Variants in NAALADL2 observed in about 807,000 individuals in gnomAD.
NAALADL2 encodes inactive N-acetylated-alpha-linked acidic dipeptidase-like protein 2.
In NAALADL2, 76 loss-of-function variants were observed where a neutral mutation model predicts 87.2. That is an observed-to-expected ratio of 0.87 (90% CI 0.72 to 1.05). The LOEUF (loss-of-function observed/expected upper bound fraction) is 1.05. Ranked by LOEUF, NAALADL2 falls within the 50% of genes least tolerant of loss-of-function variation. The probability of loss-of-function intolerance (pLI) is 0.00; values close to 1 mark genes in which losing one functional copy is unlikely to be tolerated. For missense variants in NAALADL2, 1,089 were observed against 945.8 expected (o/e 1.15, Z -1.99); for synonymous variants, 354 against 331.0 (o/e 1.07, Z -0.75).
chr3:174,536,734 G>C (rs1437224095), intron 1 of NAALADL2: 2 of 152,092 alleles, frequency 1.3e-5, no homozygotes, highest in African/African-American at 4.8e-5. Flanking sequence ...GCTGTTTGAA[G>C]TGTTAGAGAA....
At chr3:175,478,977 A>T (rs1003584925) in intron 9 of NAALADL2, among the ~76,000 whole-genome samples, 1 of 151,904 alleles carries the variant, frequency 6.6e-6, no homozygotes, top group African/African-American at 2.4e-5. Flanking sequence ...TACAATAGTG[A>T]TATTCGTTCT....
chr3:174,510,718 T>C (rs1719546921), intron 1 of NAALADL2, among the ~76,000 whole-genome samples: 1 of 151,936 alleles, frequency 6.6e-6, no homozygotes, highest in South Asian at 2.1e-4. Flanking sequence ...TCACCTTTAT[T>C]ATTTTCTTCT....
At chr3:175,687,767 A>G (rs892696064) in intron 11 of NAALADL2, among the ~76,000 whole-genome samples, 3 of 152,098 alleles carry the variant, frequency 2.0e-5, no homozygotes, top group Non-Finnish European at 4.4e-5. Context: ...TCCTTGTGAT[A>G]GTGAGTTCAT....
intron 5 of NAALADL2, among the ~76,000 whole-genome samples, chr3:175,330,343 C>T (rs1478430767): frequency 1.3e-5 from 2 of 151,890 alleles, no homozygotes; most frequent in Non-Finnish European, 2.9e-5. Flanking sequence ...ACTTGGGAGG[C>T]TGAGGTGGGA....
intron 2 of NAALADL2, among the ~76,000 whole-genome samples, chr3:175,131,926 A>C (rs1267683684): frequency 9.6e-6 from 1 of 103,774 alleles, no homozygotes; most frequent in Non-Finnish European, 1.9e-5. Flanking sequence ...GGGGCTCCTC[A>C]CTTCCCAGTA....
intron 10 of NAALADL2, among the ~76,000 whole-genome samples, 181 bp from the exon 11 acceptor site, chr3:175,627,110 G>T (rs1727092638): frequency 6.6e-6 from 1 of 151,798 alleles, no homozygotes; most frequent in Non-Finnish European, 1.5e-5. Flanking sequence ...TGATGTGTCT[G>T]ATCATTTTAA....
At chr3:174,450,468 C>T (rs192106096) in intron 1 of NAALADL2, among the ~76,000 whole-genome samples, 28 of 152,320 alleles carry the variant, frequency 1.8e-4, no homozygotes, top group African/African-American at 6.7e-4. Context: ...TGTCCAGATA[C>T]AGTGATCTGG....
At chr3:175,324,966 C>T (rs1290206017) in intron 5 of NAALADL2, among the ~76,000 whole-genome samples, 6 of 152,128 alleles carry the variant, frequency 3.9e-5, no homozygotes, top group Non-Finnish European at 8.8e-5. Context: ...AGATGCTCAC[C>T]GCATCATTGA....
chr3:174,878,304 A>G (rs981235573), intron 1 of NAALADL2, among the ~76,000 whole-genome samples: 1 of 152,066 alleles, frequency 6.6e-6, no homozygotes, highest in African/African-American at 2.4e-5. Context: ...ATATTAGTTA[A>G]TGCCATTTTT....
intron 2 of NAALADL2, among the ~76,000 whole-genome samples, chr3:174,723,651 A>G (rs1578685920): frequency 1.3e-5 from 2 of 148,226 alleles, no homozygotes; most frequent in African/African-American, 2.5e-5. Flanking sequence ...AGCTGCTTGG[A>G]AGGCTGAGGC....
intron 10 of NAALADL2, among the ~76,000 whole-genome samples, chr3:175,614,490 T>C (rs1293615323): frequency 6.6e-6 from 1 of 152,244 alleles, no homozygotes; most frequent in Non-Finnish European, 1.5e-5. Context: ...GTTGATAGCA[T>C]TGTGACATTC....
At chr3:175,667,311 A>G (rs1268981756) in intron 11 of NAALADL2, among the ~76,000 whole-genome samples, 1 of 152,152 alleles carries the variant, frequency 6.6e-6, no homozygotes. Flanking sequence ...ACTAATTTCT[A>G]TTGGTCAGAT....
At chr3:175,423,051 A>ATAT (rs1458599872) in intron 5 of NAALADL2, among the ~76,000 whole-genome samples, 42 of 91,502 alleles carry the variant, frequency 4.6e-4, no homozygotes, top group African/African-American at 1.6e-3. Flanking sequence ...ATATATATAT[A>ATAT]TTTTTTTTTT....
At position 174,492,645 on chromosome 3, in the gene NAALADL2, T is replaced by C. The variant is rs535480811; in HGVS notation, c.-184+51613T>C. 6.6e-5 allele frequency among the ~76,000 whole-genome samples: 10 copies of C among 152,320 alleles called. No homozygotes were observed. The South Asian group carries it at 1.9e-3, about 28-fold the overall frequency. On this transcript the variant is annotated intron_variant, in intron 1 of 3. Transcript: ENST00000434257. ...ATTTAAGAGTCTGGAAGGTCTATGG[T>C]TTTCAGCTGTGTAAACATTTCCAAA...
chr3:174,930,473 C>T (rs1736695320), intron 1 of NAALADL2, among the ~76,000 whole-genome samples: 1 of 151,174 alleles, frequency 6.6e-6, no homozygotes, highest in African/African-American at 2.4e-5. Flanking sequence ...TTGTTGTGTA[C>T]CTTAAAGATA....
chr3:175,031,773 G>C (rs1305486867), intron 1 of NAALADL2, among the ~76,000 whole-genome samples: 1 of 151,892 alleles, frequency 6.6e-6, no homozygotes, highest in Non-Finnish European at 1.5e-5. Flanking sequence ...CAGCCTCACT[G>C]ACATCTGTTA....
At chr3:175,761,217 T>C (rs577000606) in intron 13 of NAALADL2, among the ~76,000 whole-genome samples, 1 of 150,626 alleles carries the variant, frequency 6.6e-6, no homozygotes, top group South Asian at 2.1e-4. Flanking sequence ...ACCTATTCAT[T>C]CCTCCCTACT....
chr3:175,353,415 C>T (rs1581544878), intron 5 of NAALADL2, among the ~76,000 whole-genome samples: 2 of 152,248 alleles, frequency 1.3e-5, no homozygotes. Context: ...TGTATTCTCT[C>T]ATCCCAAAAT....
chr3:175,607,663 C>T (rs955912525), intron 10 of NAALADL2, among the ~76,000 whole-genome samples: 4 of 152,088 alleles, frequency 2.6e-5, no homozygotes, highest in African/African-American at 9.7e-5. Context: ...TGGTTATAAA[C>T]TGGCATTCCT....
Sources: gnomAD v4.1 joint callset for allele counts (sites outside exome capture counted in the v4.1 genomes callset) on GRCh38, gnomAD v4.1.1 for gene constraint, MANE v1.5 for transcripts, NCBI Gene and HGNC (gene_info 2026-07-23, HGNC 2026-07-21) for gene names.